The following ACACB variants were observed in gnomAD, a reference collection of about 807,000 sequenced individuals.
The protein encoded by ACACB is acetyl-CoA carboxylase 2.
ACACB carries 209 observed loss-of-function variants against 278.8 expected under a neutral mutation model. The observed-to-expected ratio is 0.75, with a 90% CI of 0.67 to 0.84. ACACB has a LOEUF of 0.84. ACACB is among the 40% of genes least tolerant of loss of function. The probability of loss-of-function intolerance (pLI) is 0.00; values close to 1 mark genes in which losing one functional copy is unlikely to be tolerated. For missense variants in ACACB, 2,850 were observed against 3,269.0 expected (o/e 0.87, Z 3.13); for synonymous variants, 1,174 against 1,285.6 (o/e 0.91, Z 1.86).
intron 49 of ACACB, chr12:109,262,953 TATA>T (rs2047419093): frequency 5.5e-5 from 5 of 91,678 alleles, no homozygotes; most frequent in South Asian, 3.0e-4. Flanking sequence ...TTTAACATTA[TATA>T]TATATATATA....
At chr12:109,115,446 C>T (rs1263926652), upstream of ACACB, among the ~76,000 whole-genome samples, 1 of 152,114 alleles carries the variant, frequency 6.6e-6, no homozygotes, top group African/African-American at 2.4e-5. Flanking sequence ...ACAGATGGCT[C>T]TCCCTGGAAA....
At position 109,210,165 on chromosome 12, in the gene ACACB, A is replaced by G. The variant is rs868757964; in HGVS notation, c.3249+812A>G. Among the ~76,000 whole-genome samples the G allele has an allele frequency of 3.9e-4, 17 of 43,802 alleles. 1 individual carries two copies. Among genetic ancestry groups the G allele is most frequent in the African/African-American group, 8.6e-4 (9 of 10,424 alleles). The allele number at this position is 43,802 out of a possible 152,430, so 28.7% of individuals were successfully genotyped here. On this transcript the variant is annotated intron_variant, in intron 21 of 52. Coordinates refer to ENST00000338432, the MANE Select transcript of ACACB (RefSeq NM_001093.4). ...TATGTATATATACACACGTGTGTAT[A>G]TGTATATATGTATATATACACACGT...
At chr12:109,194,936 A>G (rs978464500) in intron 16 of ACACB, among the ~76,000 whole-genome samples, 8 of 151,992 alleles carry the variant, frequency 5.3e-5, no homozygotes, top group Non-Finnish European at 1.0e-4. Flanking sequence ...TCTCTGCACC[A>G]CGTGTAGATT....
rs144734531 is a variant in ACACB at position 109,252,126 on chromosome 12, C to T, written c.5871C>T (p.Ile1957=). 5.6e-5 allele frequency: 90 copies of T among 1,613,114 alleles called. No individual in the cohort carries two copies. In the African/African-American group the frequency reaches 1.1e-3, roughly 20 times the overall value. The part of the protein sequence containing the change: ...QRVIQVENSH[I]ILTGASALNK... ...TGATCCAGGTGGAGAATTCCCACAT[C>T]ATCCTCACAGGAGCAAGTGCTCTCA... The change falls in exon 42 of 53, where the codon ATC becomes ATT. Residue 1957 remains isoleucine (I), a synonymous_variant. Transcript: ENST00000338432.
At chr12:109,262,291 A>G in intron 48 of ACACB, 66 bp from the exon 49 acceptor site, 2 of 1,292,394 alleles carry the variant, frequency 1.5e-6, no homozygotes, top group Non-Finnish European at 2.2e-6. Context: ...CTCCCCCCAC[A>G]TCCATTAGCC....
rs1003623660 is a variant in ACACB at position 109,258,988 on chromosome 12, G to A, written c.6376G>A (p.Gly2126Arg). 7.4e-6 allele frequency: 12 copies of A among 1,614,186 alleles called. No individual in the cohort carries two copies. The highest frequency in any genetic ancestry group is 1.1e-5 in the South Asian group (1 of 91,082). Residue 2126 changes from glycine (G) to arginine (R), a missense_variant, in exon 47 of 53, where the codon GGA becomes AGA. Physicochemically the swap from Gly to Arg is moderately radical, Grantham distance 125 (BLOSUM62 -2). This residue lies in a region of ACACB where 579 missense variants were observed against 684.6 expected (regional missense o/e 0.85). Transcript: ENST00000338432. ...DSEAKIIQQA[G>R]QVWFPDSAYK... ...TGTGTTCCAGATAATTCAGCAGGCA[G>A]GACAGGTGTGGTTCCCAGACTCAGC...
intron 2 of ACACB, among the ~76,000 whole-genome samples, chr12:109,163,235 G>C (rs1454456866): frequency 6.6e-6 from 1 of 152,094 alleles, no homozygotes; most frequent in African/African-American, 2.4e-5. Flanking sequence ...CTGAGGTCCA[G>C]TTTCTCATAT....
intron 11 of ACACB, among the ~76,000 whole-genome samples, chr12:109,185,003 CA>C (rs2044605561): frequency 6.6e-6 from 1 of 152,174 alleles, no homozygotes; most frequent in African/African-American, 2.4e-5. Flanking sequence ...TGGACACTGG[CA>C]TTTTTGAGGA....
chr12:109,222,510 G>A lies in ACACB; in HGVS notation c.3568G>A (p.Glu1190Lys), dbSNP rs1309731039. ...GCTTCTTTTTCTGTCCCCTAAGGAT[G>A]AGCTGTGTGGCCCAGACCCTTCCCT... ...KNQLVIMLID[E>K]LCGPDPSLSD... The change falls in exon 25 of 53, where the codon GAG (glutamate) becomes AAG (lysine). Residue 1190 changes from glutamate to lysine, a missense_variant. Physicochemically the swap from Glu to Lys is moderately conservative, Grantham distance 56. This residue lies in a region of ACACB where 2,265 missense variants were observed against 2,561.3 expected (regional missense o/e 0.88). Coordinates refer to ENST00000338432, the MANE Select transcript of ACACB (RefSeq NM_001093.4). 6.2e-7 allele frequency: 1 copy of A among 1,614,112 alleles called. No homozygotes were observed. The highest frequency in any genetic ancestry group is 1.7e-5 in the Admixed American group (1 of 60,016).
chr12:109,235,314 A>G lies in ACACB; in HGVS notation c.4349A>G (p.Lys1450Arg), dbSNP rs766389372. Residue 1450 changes from lysine to arginine, a missense_variant and splice_region_variant, in exon 32 of 53, where the codon AAA becomes AGA. Transcript: ENST00000338432. The stretch of plus-strand genomic sequence containing the variant: ...TTGTGTCTTTGGTTTTTAATGCAGA[A>G]AAATATCCTTGTGGATTATGGACTC... ...PILRTFVQSK[K>R]NILVDYGLRR... is the part of the protein sequence containing the mutation. 1.2e-6 allele frequency: 2 copies of G among 1,614,080 alleles called. No individual in the cohort carries two copies.
intron 6 of ACACB, among the ~76,000 whole-genome samples, chr12:109,173,744 G>T (rs946538348): frequency 2.0e-5 from 3 of 152,194 alleles, no homozygotes; most frequent in African/African-American, 7.2e-5. Flanking sequence ...CTGCAGGCTC[G>T]CACAACTGAA....
intron 21 of ACACB, among the ~76,000 whole-genome samples, chr12:109,210,924 T>C (rs2045827537): frequency 6.6e-6 from 1 of 150,866 alleles, no homozygotes; most frequent in East Asian, 1.9e-4. Flanking sequence ...CTTATCATAA[T>C]CATAGTTGCA....
intron 31 of ACACB, 105 bp from the exon 32 acceptor site, chr12:109,235,208 C>T (rs765092139): frequency 6.3e-6 from 6 of 950,118 alleles, no homozygotes; most frequent in Non-Finnish European, 1.0e-5. Flanking sequence ...ACATCTTCCA[C>T]TTAGCATAAT....
At chr12:109,235,025 C>G (rs2046593644) in intron 31 of ACACB, among the ~76,000 whole-genome samples, 1 of 152,026 alleles carries the variant, frequency 6.6e-6, no homozygotes, top group Non-Finnish European at 1.5e-5. Context: ...TCTCATCACT[C>G]CATAGAAAAA....
upstream of ACACB, among the ~76,000 whole-genome samples, chr12:109,112,625 C>T (rs1212346011): frequency 2.7e-5 from 4 of 150,324 alleles, no homozygotes; most frequent in Non-Finnish European, 5.9e-5. Context: ...TCACTTGAAC[C>T]CGGGCGATCG....
Position 109,214,918 on chromosome 12 carries a change from T to C in ACACB, c.3351-1700T>C, listed in dbSNP as rs528128530. On this transcript the variant is annotated intron_variant, in intron 22 of 52. Coordinates refer to ENST00000338432, the MANE Select transcript of ACACB (RefSeq NM_001093.4). The stretch of plus-strand genomic sequence containing the variant: ...TTCGAGACCAGCCTGGGCAATATGG[T>C]GAAACCCTGTCTACAAAATATACAA... 5.9e-5 allele frequency among the ~76,000 whole-genome samples: 9 copies of C among 152,152 alleles called. No homozygotes were observed. In the South Asian group the frequency reaches 1.9e-3, roughly 32 times the overall value.
intron 1 of ACACB, among the ~76,000 whole-genome samples, chr12:109,120,035 T>A (rs1273690942): frequency 1.3e-5 from 2 of 152,168 alleles, no homozygotes; most frequent in Non-Finnish European, 2.9e-5. Context: ...TAGAAGCAAA[T>A]CAGCTGCAGA....
At chr12:109,124,600 G>A (rs1244553268) in intron 1 of ACACB, among the ~76,000 whole-genome samples, 1 of 152,226 alleles carries the variant, frequency 6.6e-6, no homozygotes, top group Non-Finnish European at 1.5e-5. Flanking sequence ...TTTACTGCCT[G>A]CTGATGAGCA....
chr12:109,255,105 C>T (rs945131773), intron 44 of ACACB, among the ~76,000 whole-genome samples: 1 of 152,142 alleles, frequency 6.6e-6, no homozygotes, highest in African/African-American at 2.4e-5. Context: ...TACACACACA[C>T]ACACACACAC....
Sources: allele counts gnomAD v4.1 joint callset (sites outside exome capture counted in the v4.1 genomes callset), GRCh38; gene constraint gnomAD v4.1.1; regional missense constraint gnomAD v4.1.1; transcripts MANE v1.5; gene names NCBI Gene and HGNC (gene_info 2026-07-23, HGNC 2026-07-21).